The following NBAS variants were observed in gnomAD, a reference collection of about 807,000 sequenced individuals.
The protein encoded by NBAS is NAG/BC035112 fusion.
NBAS carries 219 observed loss-of-function variants against 302.5 expected under a neutral mutation model. That is an observed-to-expected ratio of 0.72 (90% CI 0.65 to 0.81). The LOEUF is 0.81. NBAS is among the 30% of genes least tolerant of loss of function. The pLI, the probability that NBAS is intolerant of heterozygous loss-of-function variation, is 0.00. For missense variants in NBAS, 2,932 were observed against 2,841.6 expected (o/e 1.03, Z -0.72); for synonymous variants, 1,118 against 1,021.6 (o/e 1.09, Z -1.80).
the NBAS span, among the ~76,000 whole-genome samples, chr2:14,851,226 A>T: frequency 7.2e-6 from 1 of 138,578 alleles, no homozygotes; most frequent in Non-Finnish European, 1.5e-5. Context: ...AAATAGACAC[A>T]ATAAAAAATG....
intron 12 of NBAS, among the ~76,000 whole-genome samples, chr2:15,482,183 T>G (rs1314421604): frequency 1.3e-5 from 2 of 152,332 alleles, no homozygotes; most frequent in East Asian, 1.9e-4. Flanking sequence ...CAGGTTGCAG[T>G]GCAGTGGCGT....
the NBAS span, among the ~76,000 whole-genome samples, chr2:15,127,947 C>A: frequency 6.6e-6 from 1 of 152,188 alleles, no homozygotes; most frequent in African/African-American, 2.4e-5. Context: ...ACTTTATATA[C>A]ACCTTTCCAA....
the NBAS span, among the ~76,000 whole-genome samples, chr2:15,130,097 C>T: frequency 2.6e-5 from 4 of 152,182 alleles, no homozygotes; most frequent in Non-Finnish European, 4.4e-5. Flanking sequence ...TGGCCTTTGT[C>T]AGTACAGATT....
chr2:15,020,435 A>G, the NBAS span, among the ~76,000 whole-genome samples: 1 of 152,226 alleles, frequency 6.6e-6, no homozygotes, highest in South Asian at 2.1e-4. Context: ...GAGGGCTGAA[A>G]GAAGCTTGCT....
At chr2:14,841,809 T>A in the NBAS span, among the ~76,000 whole-genome samples, 6 of 151,990 alleles carry the variant, frequency 3.9e-5, no homozygotes, top group Admixed American at 2.0e-4. Context: ...CACAGAAACA[T>A]GAAAGTTAAA....
chr2:15,192,901 T>C (rs1360813619), intron 48 of NBAS, among the ~76,000 whole-genome samples: 3 of 152,178 alleles, frequency 2.0e-5, no homozygotes, highest in Admixed American at 6.5e-5. Flanking sequence ...ACTGTATGAA[T>C]AGGAAGAGAT....
the NBAS span, among the ~76,000 whole-genome samples, chr2:14,884,446 T>C: frequency 6.6e-6 from 1 of 151,950 alleles, no homozygotes; most frequent in Non-Finnish European, 1.5e-5. Flanking sequence ...CAAATCAAAA[T>C]TGCTCACCCA....
Position 15,532,940 on chromosome 2 carries a change from C to T in NBAS, c.746+1603G>A, listed in dbSNP as rs148467277. ...TTATATAAAAATGTCAACAACAAACCCCCTATCAAAAGAAAAGAAACAAAA... is the reference window on the plus strand; with the variant it reads ...TTATATAAAAATGTCAACAACAAACTCCCTATCAAAAGAAAAGAAACAAAA... On this transcript the variant is annotated intron_variant, in intron 9 of 51. Coordinates refer to ENST00000281513, the MANE Select transcript of NBAS (RefSeq NM_015909.4). Among the ~76,000 whole-genome samples the T allele has an allele frequency of 3.5e-3, 530 of 151,286 alleles. 2 individuals carry two copies. Among genetic ancestry groups the T allele is most frequent in the African/African-American group, 0.012 (500 of 41,184 alleles).
At chr2:15,280,200 A>C (rs1669762734) in intron 42 of NBAS, among the ~76,000 whole-genome samples, 1 of 152,214 alleles carries the variant, frequency 6.6e-6, no homozygotes, top group African/African-American at 2.4e-5. Context: ...CAAAAATGTG[A>C]TTCAAGAACA....
chr2:14,782,002 T>C, the NBAS span, among the ~76,000 whole-genome samples: 1 of 152,152 alleles, frequency 6.6e-6, no homozygotes. Flanking sequence ...CACAAGTTCA[T>C]GGACCCACCA....
At chr2:15,504,382 G>T (rs1661743399) in intron 10 of NBAS, among the ~76,000 whole-genome samples, 169 bp from the exon 11 acceptor site, 1 of 151,132 alleles carries the variant, frequency 6.6e-6, no homozygotes, top group African/African-American at 2.4e-5. Flanking sequence ...GTTTTTGTTT[G>T]GGAAAAAAAA....
intron 48 of NBAS, among the ~76,000 whole-genome samples, chr2:15,194,036 C>T (rs983521459): frequency 9.9e-5 from 15 of 151,864 alleles, no homozygotes; most frequent in Non-Finnish European, 2.1e-4. Context: ...CCCACCCAGA[C>T]CTAGTATTTC....
intron 11 of NBAS, among the ~76,000 whole-genome samples, chr2:15,496,054 C>CTG (rs1213147651): frequency 6.8e-4 from 102 of 150,436 alleles, no homozygotes; most frequent in African/African-American, 2.4e-3. Context: ...AAATAAAACA[C>CTG]TGTGTGTGTG....
the NBAS span, among the ~76,000 whole-genome samples, chr2:15,156,793 T>G: frequency 6.6e-6 from 1 of 152,222 alleles, no homozygotes; most frequent in African/African-American, 2.4e-5. Context: ...TCTATGGCTA[T>G]CTTTCCAAGC....
chr2:15,522,242 T>C (rs1662706448), intron 9 of NBAS, among the ~76,000 whole-genome samples: 1 of 152,060 alleles, frequency 6.6e-6, no homozygotes, highest in Admixed American at 6.6e-5. Context: ...TCAGAAGTAA[T>C]GAGGGTCTGA....
At chr2:15,474,582 G>A (rs1037587281) in intron 14 of NBAS, among the ~76,000 whole-genome samples, 2 of 135,944 alleles carry the variant, frequency 1.5e-5, no homozygotes, top group African/African-American at 5.8e-5. Context: ...TCTTCTTTGA[G>A]ATGGAGCCTC....
At chr2:15,003,054 G>A in the NBAS span, among the ~76,000 whole-genome samples, 1 of 152,272 alleles carries the variant, frequency 6.6e-6, no homozygotes, top group African/African-American at 2.4e-5. Flanking sequence ...AAGGCGCCGA[G>A]AGCGAGCGAG....
At position 15,536,550 on chromosome 2, in the gene NBAS, G is replaced by A. The variant is rs144395435; in HGVS notation, c.515C>T (p.Ala172Val). Reference protein sequence around the residue: ...MGSELFVISPASSFIGDLSYA... With the variant: ...MGSELFVISPVSSFIGDLSYA... ...GCTTAAGTCACCTATAAAACTAGATGCCTACAGAAGAGGGGGAAATTAAGT... is the reference window on the plus strand; with the variant it reads ...GCTTAAGTCACCTATAAAACTAGATACCTACAGAAGAGGGGGAAATTAAGT... The change falls in exon 8 of 52, where the codon GCA becomes GTA. Residue 172 changes from alanine to valine, a missense_variant and splice_region_variant. Physicochemically the swap from Ala to Val is moderately conservative, Grantham distance 64. Coordinates refer to ENST00000281513, the MANE Select transcript of NBAS (RefSeq NM_015909.4). 1.9e-6 allele frequency: 3 copies of A among 1,601,830 alleles called. No individual in the cohort carries two copies. The highest frequency in any genetic ancestry group is 2.6e-6 in the Non-Finnish European group (3 of 1,175,796).
chr2:15,013,445 G>A, the NBAS span, among the ~76,000 whole-genome samples: 1 of 152,122 alleles, frequency 6.6e-6, no homozygotes, highest in Non-Finnish European at 1.5e-5. Context: ...TCCCTTAATA[G>A]TAATAATAAC....
Sources: gnomAD v4.1 joint callset for allele counts (sites outside exome capture counted in the v4.1 genomes callset) on GRCh38, gnomAD v4.1.1 for gene constraint, MANE v1.5 for transcripts, NCBI Gene and HGNC (gene_info 2026-07-23, HGNC 2026-07-21) for gene names.